The following CRPPA variants were observed in gnomAD, a reference collection of about 807,000 sequenced individuals.
CRPPA encodes the protein CDP-L-ribitol pyrophosphorylase A, also known as D-ribitol-5-phosphate cytidylyltransferase.
In CRPPA, 43 loss-of-function variants were observed where a neutral mutation model predicts 52.0. The ratio of observed to expected loss-of-function variants is 0.83; its 90% CI spans 0.65 to 1.07. The LOEUF is 1.07. CRPPA is among the 50% of genes least tolerant of loss of function. CRPPA has a pLI of 0.00. For missense variants in CRPPA, 629 were observed against 551.7 expected (o/e 1.14, Z -1.40); for synonymous variants, 250 against 203.5 (o/e 1.23, Z -1.94).
At chr7:16,418,949 T>C (rs1028326715) in intron 1 of CRPPA, among the ~76,000 whole-genome samples, 2 of 152,136 alleles carry the variant, frequency 1.3e-5, no homozygotes, top group Non-Finnish European at 2.9e-5. Context: ...ATAATCCCCA[T>C]AGCTAATTAC....
chr7:16,298,619 G>T (rs1250204325), intron 5 of CRPPA, among the ~76,000 whole-genome samples: 1 of 152,204 alleles, frequency 6.6e-6, no homozygotes, highest in Non-Finnish European at 1.5e-5. Flanking sequence ...GGTTAATTTT[G>T]TGTCATAAAT....
chr7:16,188,932 C>T (rs1244624539), intron 9 of CRPPA, among the ~76,000 whole-genome samples: 4 of 152,002 alleles, frequency 2.6e-5, no homozygotes, highest in African/African-American at 9.7e-5. Flanking sequence ...ATAAAACAGC[C>T]ATGTTTTCAG....
chr7:16,346,880 C>T (rs1253106546), intron 3 of CRPPA, among the ~76,000 whole-genome samples: 1 of 152,018 alleles, frequency 6.6e-6, no homozygotes, highest in African/African-American at 2.4e-5. Flanking sequence ...CCAGGAGAAA[C>T]AGTCCTGTGT....
intron 8 of CRPPA, among the ~76,000 whole-genome samples, chr7:16,256,255 T>C (rs1783636373): frequency 1.3e-5 from 2 of 152,142 alleles, no homozygotes; most frequent in African/African-American, 4.8e-5. Flanking sequence ...CCAGTTAGAA[T>C]GGCAATCATT....
At chr7:16,135,626 A>C (rs1430621856) in intron 9 of CRPPA, among the ~76,000 whole-genome samples, 1 of 152,182 alleles carries the variant, frequency 6.6e-6, no homozygotes, top group Non-Finnish European at 1.5e-5. Flanking sequence ...AATGATTCAA[A>C]AGCCAAAAAG....
intron 5 of CRPPA, among the ~76,000 whole-genome samples, chr7:16,299,792 A>G (rs982557067): frequency 4.6e-5 from 7 of 152,216 alleles, no homozygotes; most frequent in Admixed American, 3.9e-4. Context: ...TTCTGCAAAC[A>G]ATTTCCAAAG....
intron 9 of CRPPA, among the ~76,000 whole-genome samples, chr7:16,202,117 A>G (rs753624569): frequency 6.6e-6 from 1 of 152,170 alleles, no homozygotes; most frequent in Non-Finnish European, 1.5e-5. Flanking sequence ...ACTAGCTTTT[A>G]ATTTGAATAT....
At chr7:16,266,710 C>T (rs561312480) in intron 6 of CRPPA, among the ~76,000 whole-genome samples, 1 of 152,070 alleles carries the variant, frequency 6.6e-6, no homozygotes, top group Non-Finnish European at 1.5e-5. Flanking sequence ...AACCTCTGAC[C>T]TTAGGTGATC....
chr7:16,180,337 C>A (rs1319438420), intron 9 of CRPPA, among the ~76,000 whole-genome samples: 1 of 152,210 alleles, frequency 6.6e-6, no homozygotes, highest in Admixed American at 6.5e-5. Context: ...ATATATACTA[C>A]ACTATATTTT....
intron 9 of CRPPA, among the ~76,000 whole-genome samples, chr7:16,201,267 C>T (rs1190183329): frequency 6.6e-6 from 1 of 152,078 alleles, no homozygotes; most frequent in Non-Finnish European, 1.5e-5. Flanking sequence ...GGGCAGGTCC[C>T]CAGTGAAACT....
chr7:16,199,332 C>T (rs1781800848), intron 9 of CRPPA, among the ~76,000 whole-genome samples: 1 of 152,158 alleles, frequency 6.6e-6, no homozygotes, highest in African/African-American at 2.4e-5. Flanking sequence ...GCTCTCTCCA[C>T]TTTAATCAAT....
At chr7:16,289,323 G>A (rs1359518374) in intron 5 of CRPPA, among the ~76,000 whole-genome samples, 3 of 152,098 alleles carry the variant, frequency 2.0e-5, no homozygotes, top group Admixed American at 6.6e-5. Context: ...CCAGGAAATT[G>A]AAGAGAAGGA....
At chr7:16,124,527 G>T (rs1782538723) in intron 9 of CRPPA, among the ~76,000 whole-genome samples, 1 of 152,126 alleles carries the variant, frequency 6.6e-6, no homozygotes, top group Non-Finnish European at 1.5e-5. Context: ...AGCTAAATAT[G>T]TTGATTTCAT....
chr7:16,362,487 C>T (rs1416181418), intron 3 of CRPPA, among the ~76,000 whole-genome samples: 1 of 152,064 alleles, frequency 6.6e-6, no homozygotes, highest in Non-Finnish European at 1.5e-5. Context: ...GAGTCCTACT[C>T]CTAATGTCAT....
chr7:16,185,056 C>T (rs971753396), intron 9 of CRPPA, among the ~76,000 whole-genome samples: 1 of 152,164 alleles, frequency 6.6e-6, no homozygotes, highest in Non-Finnish European at 1.5e-5. Context: ...ACAGACATAT[C>T]TCTCCATGTG....
intron 3 of CRPPA, among the ~76,000 whole-genome samples, chr7:16,369,511 C>G (rs1583553864): frequency 6.6e-6 from 1 of 152,152 alleles, no homozygotes; most frequent in South Asian, 2.1e-4. Context: ...AAAACAGGTA[C>G]TGAGTATAAA....
intron 9 of CRPPA, among the ~76,000 whole-genome samples, chr7:16,204,085 A>C (rs1390091746): frequency 1.3e-5 from 2 of 152,162 alleles, no homozygotes; most frequent in Non-Finnish European, 2.9e-5. Flanking sequence ...TTCCTAGCTC[A>C]TTAAAAATTG....
At chr7:16,176,652 C>T (rs951115836) in intron 9 of CRPPA, among the ~76,000 whole-genome samples, 1 of 152,124 alleles carries the variant, frequency 6.6e-6, no homozygotes, top group Non-Finnish European at 1.5e-5. Context: ...ATGTTGTTCA[C>T]ACTGTACTCT....
chr7:16,395,885 T>G lies in CRPPA; in HGVS notation c.534+10176A>C, dbSNP rs957299917. On this transcript the variant is annotated intron_variant, in intron 2 of 9. Coordinates refer to ENST00000407010, the MANE Select transcript of CRPPA (RefSeq NM_001101426.4). ...GAACGGAAACATAGAAGTGGGTAATTTGAAATAATTAAAGCAAAGCAAAAG... is the reference window on the plus strand; with the variant it reads ...GAACGGAAACATAGAAGTGGGTAATGTGAAATAATTAAAGCAAAGCAAAAG... Among the ~76,000 whole-genome samples the G allele has an allele frequency of 2.6e-5, 4 of 152,204 alleles. No individual in the cohort carries two copies. In the East Asian group the frequency reaches 7.7e-4, roughly 29 times the overall value.
Sources: gnomAD v4.1 joint callset for allele counts (sites outside exome capture counted in the v4.1 genomes callset) on GRCh38, gnomAD v4.1.1 for gene constraint, MANE v1.5 for transcripts, NCBI Gene and HGNC (gene_info 2026-07-23, HGNC 2026-07-21) for gene names.